The following CTDP1 variants were observed in gnomAD, a reference collection of about 807,000 sequenced individuals.
CTDP1 encodes RNA polymerase II subunit A C-terminal domain phosphatase.
In CTDP1, 47 loss-of-function variants were observed where a neutral mutation model predicts 91.8. The observed-to-expected ratio is 0.51, with a 90% CI of 0.41 to 0.65. The LOEUF is 0.65. Among genes scored for constraint, CTDP1 ranks in the 30% least tolerant of loss-of-function variants. CTDP1 has a pLI of 0.00. For synonymous variants in CTDP1, 656 were observed against 598.5 expected (o/e 1.10, Z -1.40); for missense variants, 1,272 against 1,373.7 (o/e 0.93, Z 1.17).
At chr18:79,711,973 T>A (rs2086093736) in intron 6 of CTDP1, among the ~76,000 whole-genome samples, 2 of 152,226 alleles carry the variant, frequency 1.3e-5, no homozygotes, top group Non-Finnish European at 2.9e-5. Flanking sequence ...CTTCAGCCAC[T>A]TCCTGGTTCT....
At position 79,714,613 on chromosome 18, in the gene CTDP1, A is replaced by G. The variant is rs1379044164; in HGVS notation, c.1153A>G (p.Asn385Asp). ...NGLEKPAREL[N>D]GSEAATPRDS... The stretch of plus-strand genomic sequence containing the variant: ...CCTGGAGAAGCCTGCACGGGAGCTG[A>G]ACGGCAGCGAGGCCGCCACCCCGCG... The change falls in exon 8 of 13, where the codon AAC (asparagine) becomes GAC (aspartate). Residue 385 changes from asparagine (N) to aspartate (D), a missense_variant. This residue lies in a region of CTDP1 where 881 missense variants were observed against 911.6 expected (regional missense o/e 0.97). Transcript: ENST00000613122. 1.2e-6 allele frequency: 2 copies of G among 1,612,786 alleles called. No individual in the cohort carries two copies. Among genetic ancestry groups the G allele is most frequent in the Non-Finnish European group, 1.7e-6 (2 of 1,180,000 alleles).
intron 1 of CTDP1, among the ~76,000 whole-genome samples, chr18:79,694,165 G>A (rs527754096): frequency 6.9e-6 from 1 of 145,202 alleles, no homozygotes; most frequent in Non-Finnish European, 1.5e-5. Flanking sequence ...TGTGGGGGCT[G>A]TGAGCACCTA....
intron 12 of CTDP1, among the ~76,000 whole-genome samples, chr18:79,741,721 A>C (rs2086782016): frequency 6.6e-6 from 1 of 152,218 alleles, no homozygotes; most frequent in South Asian, 2.1e-4. Flanking sequence ...GGCGGCAGGC[A>C]GGGTCCTTCT....
At chr18:79,702,304 G>GA (rs1236381162) in intron 4 of CTDP1, among the ~76,000 whole-genome samples, 1 of 152,240 alleles carries the variant, frequency 6.6e-6, no homozygotes, top group Non-Finnish European at 1.5e-5. Flanking sequence ...TGCGCCGACA[G>GA]AAAGACTATG....
At chr18:79,752,998 G>C (rs1222152285) in intron 12 of CTDP1, among the ~76,000 whole-genome samples, 16 of 74,536 alleles carry the variant, frequency 2.1e-4, no homozygotes, top group Admixed American at 1.8e-3. Flanking sequence ...TAGTGGCACC[G>C]GCTGGTTATG....
intron 10 of CTDP1, among the ~76,000 whole-genome samples, chr18:79,719,373 G>A (rs995297494): frequency 3.9e-5 from 6 of 152,026 alleles, no homozygotes; most frequent in South Asian, 4.1e-4. Context: ...CTTCCCGTGC[G>A]GCAGCCTGGC....
chr18:79,753,730 C>T lies in CTDP1; in HGVS notation c.2826C>T (p.Ser942=). ...AGTCCAGCAACGAGGATGAGGGCAG[C>T]AGCTCCGAGGCCGACGAGATGGCCA... The part of the protein sequence containing the change: ...SRESSNEDEG[S]SSEADEMAKA... Residue 942 remains serine (S), a synonymous_variant, in exon 13 of 13, where the codon AGC becomes AGT. Coordinates refer to ENST00000613122, the MANE Select transcript of CTDP1 (RefSeq NM_004715.5). 6.2e-7 allele frequency: 1 copy of T among 1,614,034 alleles called. No individual in the cohort carries two copies. The highest frequency in any genetic ancestry group is 2.2e-5 in the East Asian group (1 of 44,878).
chr18:79,695,520 C>T (rs1317826028), intron 2 of CTDP1, among the ~76,000 whole-genome samples: 2 of 152,112 alleles, frequency 1.3e-5, no homozygotes, highest in African/African-American at 4.8e-5. Context: ...ATGCCATTCT[C>T]AGGTGTGGTG....
intron 1 of CTDP1, among the ~76,000 whole-genome samples, chr18:79,693,244 G>T (rs1043120151): frequency 4.6e-5 from 7 of 151,760 alleles, no homozygotes; most frequent in South Asian, 2.1e-4. Flanking sequence ...GGGTTTGTGC[G>T]TTTTTTTTGT....
At chr18:79,746,820 T>C (rs1192111003) in intron 12 of CTDP1, among the ~76,000 whole-genome samples, 1 of 152,158 alleles carries the variant, frequency 6.6e-6, no homozygotes, top group Non-Finnish European at 1.5e-5. Context: ...GGGGACTTCC[T>C]TTGTTGCCCA....
At chr18:79,683,178 A>T (rs1399783515) in intron 1 of CTDP1, 1 of 152,208 alleles carries the variant, frequency 6.6e-6, no homozygotes, top group East Asian at 1.9e-4. Flanking sequence ...GCAAGTTCCC[A>T]GAATTGCACG....
At chr18:79,685,038 A>G (rs483572) in intron 1 of CTDP1, among the ~76,000 whole-genome samples, 8,423 of 37,338 alleles carry the variant, frequency 0.23, 1,203 homozygotes, top group South Asian at 0.35. Flanking sequence ...CTCTACTCCC[A>G]GTTTCTCTGC....
chr18:79,726,828 T>G (rs1599279556), intron 10 of CTDP1, among the ~76,000 whole-genome samples: 1 of 48,092 alleles, frequency 2.1e-5, no homozygotes, highest in African/African-American at 1.3e-4. Flanking sequence ...TGGACGGCTG[T>G]GGGGGATGGG....
intron 12 of CTDP1, among the ~76,000 whole-genome samples, chr18:79,748,103 T>C (rs1343654540): frequency 6.6e-6 from 1 of 152,230 alleles, no homozygotes; most frequent in Admixed American, 6.5e-5. Flanking sequence ...CAGCTGGTTG[T>C]ATGAACAAAA....
At chr18:79,711,435 G>A (rs1373364757) in intron 6 of CTDP1, among the ~76,000 whole-genome samples, 2 of 152,182 alleles carry the variant, frequency 1.3e-5, no homozygotes, top group Admixed American at 1.3e-4. Context: ...GGAACTCAGC[G>A]ACTGGACTTT....
rs2086123755 is a variant in CTDP1 at position 79,713,504 on chromosome 18, G to A, written c.1030+366G>A. ...GTGAATGTGGGGGCGGTGGCTCTGCGGGGAATAACCGTTCCCCATGCGCAG... is the reference window on the plus strand; with the variant it reads ...GTGAATGTGGGGGCGGTGGCTCTGCAGGGAATAACCGTTCCCCATGCGCAG... On this transcript the variant is annotated intron_variant, in intron 7 of 12. Transcript: ENST00000613122. The surrounding 1 kb of genome is among the most constrained non-coding windows in gnomAD (Gnocchi z 4.7). 2.0e-5 allele frequency among the ~76,000 whole-genome samples: 3 copies of A among 152,198 alleles called. No individual in the cohort carries two copies. Among genetic ancestry groups the A allele is most frequent in the South Asian group, 4.1e-4 (2 of 4,830 alleles).
At chr18:79,678,955 C>CG (rs1407819728), upstream of CTDP1, 34 of 192,434 alleles carry the variant, frequency 1.8e-4, no homozygotes, top group East Asian at 3.9e-3. Flanking sequence ...CTGAGCCTCC[C>CG]AAAGTGCTGA....
intron 12 of CTDP1, among the ~76,000 whole-genome samples, chr18:79,740,506 A>G (rs908739700): frequency 6.6e-6 from 1 of 152,290 alleles, no homozygotes; most frequent in East Asian, 1.9e-4. Flanking sequence ...AACGAAGTAA[A>G]TGTGGTTTGA....
rs767858229 is a variant in CTDP1 at position 79,697,961 on chromosome 18, G to T, written c.594G>T (p.Glu198Asp). Residue 198 changes from glutamate (E) to aspartate (D), a missense_variant, in exon 4 of 13, where the codon GAG (glutamate) becomes GAT (aspartate). Glu to Asp is a conservative substitution (Grantham distance 45, BLOSUM62 2). Transcript: ENST00000613122. ...ACCAGACGTTGATTCACACAACCGA[G>T]CAGCACTGTCAGCAGATGTCGAATA... ...DLDQTLIHTT[E>D]QHCQQMSNKG... 3.1e-6 allele frequency: 5 copies of T among 1,614,128 alleles called. 1 individual carries two copies. The African/African-American group carries it at 6.7e-5, about 22-fold the overall frequency.
Sources: allele counts gnomAD v4.1 joint callset (sites outside exome capture counted in the v4.1 genomes callset), GRCh38; gene constraint gnomAD v4.1.1; regional missense constraint gnomAD v4.1.1; non-coding constraint Gnocchi (gnomAD v3.1); transcripts MANE v1.5; gene names NCBI Gene and HGNC (gene_info 2026-07-23, HGNC 2026-07-21).